The following COL17A1 variants were observed in gnomAD, a reference collection of about 807,000 sequenced individuals.
COL17A1 encodes collagen type XVII alpha 1 chain.
In COL17A1, 181 loss-of-function variants were observed where a neutral mutation model predicts 218.4. The ratio of observed to expected loss-of-function variants is 0.83; its 90% CI spans 0.73 to 0.94. The LOEUF (loss-of-function observed/expected upper bound fraction) is 0.94, where lower values mean the gene tolerates loss of function less well. Ranked by LOEUF, COL17A1 falls within the 40% of genes least tolerant of loss-of-function variation. The probability of loss-of-function intolerance (pLI) is 0.00; values close to 1 mark genes in which losing one functional copy is unlikely to be tolerated. For missense variants in COL17A1, 1,924 were observed against 1,945.9 expected (o/e 0.99, Z 0.21); for synonymous variants, 721 against 731.0 (o/e 0.99, Z 0.22).
At position 104,053,086 on chromosome 10, in the gene COL17A1, G is replaced by T. The variant is rs151209053; in HGVS notation, c.1884C>A (p.Pro628=). Reference sequence around the variant, plus strand: ...GCCCTGCCTCACCACGAGGTCCCATGGGGCCTTCTCGCCCTCTCTGGCCCA... The same window carrying T: ...GCCCTGCCTCACCACGAGGTCCCATTGGGCCTTCTCGCCCTCTCTGGCCCA... ...GPMGQRGREG[P]MGPRGEAGPP... Residue 628 remains proline, a synonymous_variant, in exon 23 of 56, where the codon CCC becomes CCA. Coordinates refer to ENST00000648076, the MANE Select transcript of COL17A1 (RefSeq NM_000494.4). 46 of 1,613,834 alleles carry T rather than the reference G, an allele frequency of 2.9e-5. No homozygotes were observed. Among genetic ancestry groups the T allele is most frequent in the Non-Finnish European group, 3.7e-5 (44 of 1,180,042 alleles).
At position 104,036,569 on chromosome 10, in the gene COL17A1, G is replaced by C; in HGVS notation, c.3341C>G (p.Pro1114Arg). ...LMGPRGPPGP[P>R]GASGDGSLLS... ...GAGGGACCCATCTCCACTGGCTCCT[G>C]GTGGCCCTGGCGGACCCCGAGGGCC... Residue 1114 changes from proline (P) to arginine (R), a missense_variant, in exon 48 of 56, where the codon CCA becomes CGA. Pro to Arg is a moderately radical substitution (Grantham distance 103, BLOSUM62 -2). Coordinates refer to ENST00000648076, the MANE Select transcript of COL17A1 (RefSeq NM_000494.4). 6.2e-7 allele frequency: 1 copy of C among 1,613,974 alleles called. No individual in the cohort carries two copies. The highest frequency in any genetic ancestry group is 1.1e-5 in the South Asian group (1 of 91,088).
At position 104,074,171 on chromosome 10, in the gene COL17A1, GGA is replaced by G; in HGVS notation, c.379+11_379+12del. 6.2e-7 allele frequency: 1 copy of G among 1,614,146 alleles called. No homozygotes were observed. Among genetic ancestry groups the G allele is most frequent in the Non-Finnish European group, 8.5e-7 (1 of 1,179,996 alleles). On this transcript the variant is annotated intron_variant, in intron 6 of 55. Coordinates refer to ENST00000648076, the MANE Select transcript of COL17A1 (RefSeq NM_000494.4). The stretch of plus-strand genomic sequence containing the variant: ...GTTTGACCATTTCTTTAGAAAATAA[GGA>G]GAGGACATACCAAATTCCTTCCGAG...
In COL17A1 at chr10:104,038,526, C is replaced by T; in HGVS notation, c.2950G>A (p.Gly984Arg). The change falls in exon 45 of 56, where the codon GGA becomes AGA. Residue 984 changes from glycine to arginine, a missense_variant and splice_region_variant. Coordinates refer to ENST00000648076, the MANE Select transcript of COL17A1 (RefSeq NM_000494.4). Reference protein sequence around the residue: ...LGIPSGPSEGGSSSTMYVSGP... With the variant: ...LGIPSGPSEGRSSSTMYVSGP... The stretch of plus-strand genomic sequence containing the variant: ...GACACGTACATGGTACTTGATGATC[C>T]CCCTGCAGCAAAGAGAAAGCGTCCT... The T allele has an allele frequency of 6.2e-7, 1 of 1,612,034 alleles. No homozygotes were observed. Among genetic ancestry groups the T allele is most frequent in the Non-Finnish European group, 8.5e-7 (1 of 1,179,970 alleles).
intron 15 of COL17A1, chr10:104,059,291 G>GAA: frequency 6.0e-6 from 2 of 332,968 alleles, no homozygotes; most frequent in African/African-American, 2.1e-5. Context: ...TATTTGGGAA[G>GAA]AAAAAAAAAT....
At chr10:104,067,283 T>C (rs1229828433) in intron 9 of COL17A1, among the ~76,000 whole-genome samples, 1 of 133,568 alleles carries the variant, frequency 7.5e-6, no homozygotes, top group Admixed American at 9.0e-5. Context: ...CATTCGAGCT[T>C]CAACAAGTAA....
chr10:104,048,347 G>A (rs535649253), intron 29 of COL17A1, among the ~76,000 whole-genome samples: 7 of 152,262 alleles, frequency 4.6e-5, no homozygotes, highest in Non-Finnish European at 7.4e-5. Context: ...CATCTCAAGC[G>A]CCTCGATGCT....
intron 12 of COL17A1, 141 bp downstream of exon 12, chr10:104,062,117 G>T: frequency 7.6e-7 from 1 of 1,310,380 alleles, no homozygotes; most frequent in Non-Finnish European, 1.1e-6. Flanking sequence ...TAATGATCAA[G>T]ATTGATATCT....
rs1844712865 is a variant in COL17A1 at position 104,033,226 on chromosome 10, G to A, written c.4294+12C>T. The A allele has an allele frequency of 6.3e-7, 1 of 1,579,332 alleles. No individual in the cohort carries two copies. The highest frequency in any genetic ancestry group is 2.3e-5 in the East Asian group (1 of 43,870). ...TGAGGCAGGTGCTGGGAAAGCAGTT[G>A]GATGCCCTTACTTTGGAAGAAGTCC... On this transcript the variant is annotated intron_variant, in intron 53 of 55. Coordinates refer to ENST00000648076, the MANE Select transcript of COL17A1 (RefSeq NM_000494.4).
chr10:104,052,897 C>G (rs1260117036), intron 23 of COL17A1, 134 bp downstream of exon 23: 3 of 1,137,648 alleles, frequency 2.6e-6, no homozygotes, highest in Non-Finnish European at 2.6e-6. Context: ...AGCACAGACC[C>G]TGACTCAGGG....
chr10:104,047,631 C>T, intron 31 of COL17A1, 108 bp downstream of exon 31: 2 of 927,878 alleles, frequency 2.2e-6, no homozygotes, highest in East Asian at 5.1e-5. Flanking sequence ...CCCCTTCCCC[C>T]ACAACCTGCA....
At position 104,055,790 on chromosome 10, in the gene COL17A1, T is replaced by C. The variant is rs1443796535; in HGVS notation, c.1679A>G (p.Gln560Arg). Residue 560 changes from glutamine to arginine, a missense_variant, in exon 18 of 56, where the codon CAG (glutamine) becomes CGG (arginine). Coordinates refer to ENST00000648076, the MANE Select transcript of COL17A1 (RefSeq NM_000494.4). ...CCCGGCGATGCTCTCACCATTTTCC[T>C]GTTCCATCATTAGCTTCTTCCTCAC... Reference protein sequence around the residue: ...MFVRKKLMMEQENGNLRGSPG... With the variant: ...MFVRKKLMMERENGNLRGSPG... The C allele has an allele frequency of 1.2e-6, 2 of 1,614,140 alleles. No individual in the cohort carries two copies. Among genetic ancestry groups the C allele is most frequent in the Non-Finnish European group, 1.7e-6 (2 of 1,180,040 alleles).
chr10:104,077,006 G>A (rs1250148749), intron 4 of COL17A1, among the ~76,000 whole-genome samples: 1 of 152,178 alleles, frequency 6.6e-6, no homozygotes, highest in Non-Finnish European at 1.5e-5. Context: ...TAACCCAATC[G>A]TTAAGTTTCT....
Position 104,043,594 on chromosome 10 carries a change from G to T in COL17A1, c.2435-13C>A. Reference sequence around the variant, plus strand: ...ATCGATGACCCCTCTGAAAACAGAAGGCACATGGAACATTGAGCCCTACTT... The same window carrying T: ...ATCGATGACCCCTCTGAAAACAGAATGCACATGGAACATTGAGCCCTACTT... On this transcript the variant is annotated splice_polypyrimidine_tract_variant and intron_variant, in intron 34 of 55. Coordinates refer to ENST00000648076, the MANE Select transcript of COL17A1 (RefSeq NM_000494.4). 6.2e-7 allele frequency: 1 copy of T among 1,613,888 alleles called. No homozygotes were observed. Among genetic ancestry groups the T allele is most frequent in the Non-Finnish European group, 8.5e-7 (1 of 1,179,902 alleles).
At chr10:104,038,223 GACACACATACACACACACAC>G (rs1484544410) in intron 45 of COL17A1, among the ~76,000 whole-genome samples, 163 bp downstream of exon 45, 7 of 126,668 alleles carry the variant, frequency 5.5e-5, no homozygotes, top group East Asian at 2.3e-4. Flanking sequence ...TGGACACATA[GACACACATACACACACACAC>G]ACACACACAC....
Position 104,035,556 on chromosome 10 carries a change from C to A in COL17A1, c.3426G>T (p.Gly1142=), listed in dbSNP as rs1322213655. Residue 1142 remains glycine (G), a synonymous_variant, in exon 49 of 56, where the codon GGG becomes GGT. Coordinates refer to ENST00000648076, the MANE Select transcript of COL17A1 (RefSeq NM_000494.4). The part of the protein sequence containing the change: ...SRILSYMSSS[G]ISIGLPGPPG... ...GGGGACCAGGAAGCCCAATGCTGATCCCAGAACCTAGGGAGGTGATGGATT... is the reference window on the plus strand; with the variant it reads ...GGGGACCAGGAAGCCCAATGCTGATACCAGAACCTAGGGAGGTGATGGATT... 2.5e-6 allele frequency: 4 copies of A among 1,613,188 alleles called. No homozygotes were observed. Among genetic ancestry groups the A allele is most frequent in the Non-Finnish European group, 2.5e-6 (3 of 1,179,586 alleles).
rs776641507 is a variant in COL17A1, at chr10:104,037,086, G to C, written c.3236C>G (p.Ser1079Trp). 3.1e-6 allele frequency: 5 copies of C among 1,607,904 alleles called. No homozygotes were observed. The highest frequency in any genetic ancestry group is 1.7e-5 in the Admixed American group (1 of 59,350). The change falls in exon 47 of 56, where the codon TCG (serine) becomes TGG (tryptophan). Residue 1079 changes from serine (S) to tryptophan (W), a missense_variant. Ser to Trp is a radical substitution (Grantham distance 177). Transcript: ENST00000648076. The part of the protein sequence containing the change: ...RTSGYGVSLF[S>W]SSISSEDILA... ...AATGTCTTCAGAAGAGATGGAGGACGAGAACAAGCTGACACCGTACCCCGA... is the reference window on the plus strand; with the variant it reads ...AATGTCTTCAGAAGAGATGGAGGACCAGAACAAGCTGACACCGTACCCCGA...
At position 104,035,309 on chromosome 10, in the gene COL17A1, A is replaced by G. The variant is rs768278538; in HGVS notation, c.3573T>C (p.Asn1191=). ...GPPGPPGIPG[N]VWSSISVEDL... is the part of the protein sequence containing the mutation. Reference sequence around the variant, plus strand: ...CCTCCACGCTGATGCTGGACCACACATTGCCTGGGATCCCTGGTGGACCCG... The same window carrying G: ...CCTCCACGCTGATGCTGGACCACACGTTGCCTGGGATCCCTGGTGGACCCG... Residue 1191 remains asparagine (N), a synonymous_variant, in exon 50 of 56, where the codon AAT becomes AAC. Coordinates refer to ENST00000648076, the MANE Select transcript of COL17A1 (RefSeq NM_000494.4). 5.6e-6 allele frequency: 9 copies of G among 1,614,186 alleles called. No homozygotes were observed. The highest frequency in any genetic ancestry group is 7.6e-6 in the Non-Finnish European group (9 of 1,180,002).
intron 36 of COL17A1, 28 bp downstream of exon 36, chr10:104,042,392 C>T: frequency 6.2e-7 from 1 of 1,613,948 alleles, no homozygotes; most frequent in Non-Finnish European, 8.5e-7. Context: ...GGGCCCATCG[C>T]TTTGCATTCT....
At chr10:104,040,851 G>T (rs1032186536) in intron 39 of COL17A1, among the ~76,000 whole-genome samples, 1 of 152,202 alleles carries the variant, frequency 6.6e-6, no homozygotes, top group African/African-American at 2.4e-5. Flanking sequence ...GGCAGAGCTG[G>T]CTCCCTCCCT....
Sources: allele counts gnomAD v4.1 joint callset (sites outside exome capture counted in the v4.1 genomes callset), GRCh38; gene constraint gnomAD v4.1.1; transcripts MANE v1.5; gene names NCBI Gene and HGNC (gene_info 2026-07-23, HGNC 2026-07-21).